MYO15B: variants seen among roughly 807,000 people sequenced by gnomAD.
MYO15B encodes myosin XVB.
A neutral mutation model predicts 119.3 loss-of-function variants in MYO15B; 207 were observed. The ratio of observed to expected loss-of-function variants is 1.73; its 90% CI spans 1.55 to 1.95. The LOEUF is 1.95. MYO15B is among the 30% of genes most tolerant of loss of function. The pLI is 0.00. For synonymous variants in MYO15B, 966 were observed against 498.9 expected, an observed-to-expected ratio of 1.94 and a Z score of -12.48; for missense variants, 2,264 against 1,203.1, an observed-to-expected ratio of 1.88 and a Z score of -13.04.
chr17:75,602,216 C>T, intron 15 of MYO15B: 1 of 476,386 alleles, frequency 2.1e-6, no homozygotes, highest in Non-Finnish European at 3.8e-6. Context: ...AAATGTAAAT[C>T]AAAATAGATT....
intron 52 of MYO15B, chr17:75,621,785 T>A (rs2058726930): frequency 1.7e-6 from 1 of 601,636 alleles, no homozygotes; most frequent in Non-Finnish European, 3.0e-6. Context: ...AGGCAGTCCA[T>A]GGGTCCAGAG....
intron 12 of MYO15B, among the ~76,000 whole-genome samples, chr17:75,595,224 C>G (rs1434967713): frequency 6.6e-6 from 1 of 152,208 alleles, no homozygotes; most frequent in Non-Finnish European, 1.5e-5. Flanking sequence ...GTCTGCGCGC[C>G]TTGGAGTTCT....
intron 35 of MYO15B, 21 bp from the exon 36 acceptor site, chr17:75,615,672 T>A: frequency 1.5e-6 from 1 of 670,596 alleles, no homozygotes; most frequent in Non-Finnish European, 2.7e-6. Flanking sequence ...GGGTCTGAAC[T>A]GGCTGCTCCT....
Position 75,590,621 on chromosome 17 carries a change from T to G in MYO15B, c.2187-5T>G. On this transcript the variant is annotated splice_region_variant and splice_polypyrimidine_tract_variant and intron_variant, in intron 1 of 63. Transcript: ENST00000645453. ...TGTCATGCCTCCACCCTGTTGTCCC[T>G]ACAGGCTGGTGTGTGACAGCTCTGT... The G allele has an allele frequency of 4.7e-6, 1 of 211,776 alleles. No homozygotes were observed. The highest frequency in any genetic ancestry group is 9.3e-6 in the Non-Finnish European group (1 of 107,824). 13.1% of individuals were successfully genotyped at this position (211,776 alleles called of 1,614,324 possible).
At chr17:75,594,330 C>T (rs1471782178) in intron 9 of MYO15B, 145 bp from the exon 10 acceptor site, 3 of 507,086 alleles carry the variant, frequency 5.9e-6, no homozygotes, top group Non-Finnish European at 6.9e-6. Flanking sequence ...ACCATAGCCT[C>T]GCTCCTAATG....
At chr17:75,588,710 C>T in exon 1 of MYO15B, 2 of 399,174 alleles carry the variant, frequency 5.0e-6, no homozygotes, top group Non-Finnish European at 8.9e-6. Context: ...CACGCAGATA[C>T]CCGGGGCCGG....
intron 22 of MYO15B, chr17:75,610,655 G>A (rs974937090): frequency 1.8e-6 from 1 of 569,436 alleles, no homozygotes; most frequent in South Asian, 2.3e-5. Flanking sequence ...TGTCCCCTGG[G>A]ACCATTTCTT....
Position 75,592,433 on chromosome 17 carries a change from G to A in MYO15B, c.2721G>A (p.Gln907=), listed in dbSNP as rs1598704286. Residue 907 remains glutamine, a synonymous_variant, in exon 8 of 64, where the codon CAG becomes CAA. Transcript: ENST00000645453. ...AAGCCAGTCCTGTCCCCAAGGCCCA[G>A]GCTGAGCGGAGCTTCCATGTTTTTT... is the stretch of plus-strand genomic sequence containing the variant. 8.0e-6 allele frequency: 5 copies of A among 623,760 alleles called. No individual in the cohort carries two copies. In the East Asian group the frequency reaches 1.4e-4, roughly 17 times the overall value. The allele number at this position is 623,760 out of a possible 1,614,324, so 38.6% of individuals were successfully genotyped here. A position where few individuals can be genotyped will look rare whatever the true frequency, so the allele number is the denominator to read the frequency against.
chr17:75,624,153 C>T (rs1415750948), intron 55 of MYO15B, 22 bp from the exon 56 acceptor site: 2 of 702,696 alleles, frequency 2.8e-6, no homozygotes, highest in African/African-American at 3.5e-5. Context: ...CATCTCATAA[C>T]CCCAGGCTGG....
intron 43 of MYO15B, 53 bp from the exon 44 acceptor site, chr17:75,619,090 G>C (rs958438293): frequency 5.7e-6 from 4 of 702,038 alleles, no homozygotes; most frequent in Non-Finnish European, 1.0e-5. Context: ...TGGCTGCTCT[G>C]GGGGTGGGCT....
chr17:75,616,348 C>G (rs377044369), exon 38 of MYO15B: 3 of 610,110 alleles, frequency 4.9e-6, no homozygotes, highest in South Asian at 3.9e-5. Flanking sequence ...ATGAAGCCCC[C>G]GGCCAAGGTC....
chr17:75,608,798 G>T (rs199957292), intron 21 of MYO15B, among the ~76,000 whole-genome samples: 11 of 151,730 alleles, frequency 7.2e-5, no homozygotes, highest in Non-Finnish European at 1.5e-4. Context: ...CAATGGCTTG[G>T]TCTCAGCTCA....
At chr17:75,614,656 C>G (rs1312565809) in exon 31 of MYO15B, 1 of 701,202 alleles carries the variant, frequency 1.4e-6, no homozygotes, top group African/African-American at 1.7e-5. Context: ...AGGTCCAGCC[C>G]CAACGCTGCC....
At chr17:75,612,813 A>C (rs1291120343) in exon 26 of MYO15B, 1 of 702,942 alleles carries the variant, frequency 1.4e-6, no homozygotes, top group Admixed American at 2.0e-5. Context: ...GTCCCTGCCC[A>C]GGCCAGGGCA....
intron 30 of MYO15B, 52 bp downstream of exon 30, chr17:75,614,412 C>A: frequency 1.4e-6 from 1 of 689,742 alleles, no homozygotes; most frequent in Non-Finnish European, 2.7e-6. Flanking sequence ...CGGGGAACCC[C>A]ACAGCCACCC....
chr17:75,597,164 A>AG (rs1398435811), intron 14 of MYO15B, among the ~76,000 whole-genome samples: 1 of 152,204 alleles, frequency 6.6e-6, no homozygotes, highest in Non-Finnish European at 1.5e-5. Context: ...CTGCCACAGA[A>AG]GGGGGACAGT....
At chr17:75,611,433 C>T (rs1459907836) in intron 23 of MYO15B, among the ~76,000 whole-genome samples, 168 bp from the exon 24 acceptor site, 1 of 146,610 alleles carries the variant, frequency 6.8e-6, no homozygotes, top group Non-Finnish European at 1.5e-5. Context: ...GGTACCACTG[C>T]ACTCTAGCCT....
chr17:75,626,506 G>C (rs367675144), exon 64 of MYO15B: 1 of 703,072 alleles, frequency 1.4e-6, no homozygotes, highest in South Asian at 1.5e-5. Context: ...GCCGGGGAGA[G>C]AAGAGGATGA....
intron 53 of MYO15B, 121 bp downstream of exon 53, chr17:75,622,201 T>C (rs1396059817): frequency 4.0e-5 from 26 of 650,364 alleles, no homozygotes; most frequent in South Asian, 1.7e-4. Flanking sequence ...TGAGCACCCA[T>C]TGCGTGCAGG....
Sources: allele counts gnomAD v4.1 joint callset (sites outside exome capture counted in the v4.1 genomes callset), GRCh38; gene constraint gnomAD v4.1.1; transcripts MANE v1.5; gene names NCBI Gene and HGNC (gene_info 2026-07-23, HGNC 2026-07-21).